The following PCDH9 variants were observed in gnomAD, a reference collection of about 807,000 sequenced individuals.
PCDH9 encodes the protein protocadherin-9.
A neutral mutation model predicts 70.6 loss-of-function variants in PCDH9; 24 were observed. The ratio of observed to expected loss-of-function variants is 0.34; its 90% confidence interval spans 0.25 to 0.48. PCDH9 has a LOEUF of 0.48. Ranked by LOEUF, PCDH9 falls within the 20% of genes least tolerant of loss-of-function variation. PCDH9 has a pLI of 0.99. For synonymous variants in PCDH9, 562 were observed against 558.5 expected (o/e 1.01, Z -0.09); for missense variants, 1,281 against 1,503.6 (o/e 0.85, Z 2.45).
intron 4 of PCDH9, among the ~76,000 whole-genome samples, chr13:66,526,942 A>G (rs1960241014): frequency 6.6e-6 from 1 of 152,206 alleles, no homozygotes; most frequent in Non-Finnish European, 1.5e-5. Context: ...CTATAGTGAT[A>G]GAAAAGGCCA....
chr13:66,910,525 T>TA (rs767898406), intron 2 of PCDH9, among the ~76,000 whole-genome samples: 2 of 178 alleles, frequency 0.011, no homozygotes, highest in East Asian at 0.071. Flanking sequence ...GCTTTATGCG[T>TA]AAAAAAATCT....
At chr13:66,461,666 T>C (rs909741206) in intron 4 of PCDH9, among the ~76,000 whole-genome samples, 1 of 151,918 alleles carries the variant, frequency 6.6e-6, no homozygotes, top group Admixed American at 6.6e-5. Context: ...AGAAGTTCAT[T>C]GTTTTATGTA....
At chr13:66,959,280 T>G (rs546189494) in intron 2 of PCDH9, among the ~76,000 whole-genome samples, 1 of 152,178 alleles carries the variant, frequency 6.6e-6, no homozygotes, top group African/African-American at 2.4e-5. Flanking sequence ...ATAAGGAAAG[T>G]GTGACTTTAA....
At chr13:66,771,706 A>C (rs1309899088) in intron 3 of PCDH9, among the ~76,000 whole-genome samples, 1 of 152,040 alleles carries the variant, frequency 6.6e-6, no homozygotes, top group Non-Finnish European at 1.5e-5. Context: ...CAAATTTTGG[A>C]CTCTTTAACT....
At chr13:67,212,551 G>GT (rs1269955922) in intron 2 of PCDH9, 3 of 152,132 alleles carry the variant, frequency 2.0e-5, no homozygotes, top group African/African-American at 7.2e-5. Flanking sequence ...GCCTAGCTGT[G>GT]TATCTGTCCG....
intron 3 of PCDH9, among the ~76,000 whole-genome samples, chr13:66,803,931 T>C (rs4412870): frequency 0.89 from 135,071 of 152,116 alleles, 62,204 homozygotes; most frequent in Non-Finnish European, 1. Context: ...GTGATTTTCT[T>C]GGTGTAATAA....
At chr13:66,755,512 C>T (rs755208565) in intron 3 of PCDH9, among the ~76,000 whole-genome samples, 6 of 152,124 alleles carry the variant, frequency 3.9e-5, no homozygotes, top group East Asian at 3.9e-4. Flanking sequence ...TCTACTGAGT[C>T]GAGGACTAAG....
chr13:66,932,681 TAC>T lies in PCDH9; in HGVS notation c.3037-29078_3037-29077del, dbSNP rs200773193. Among the ~76,000 whole-genome samples the T allele has an allele frequency of 1.6e-3, 187 of 114,836 alleles. 8 individuals are homozygous for T. The South Asian group carries it at 0.046, about 28-fold the overall frequency. The allele number at this position is 114,836 out of a possible 152,430, so 75.3% of individuals were successfully genotyped here. ...TCACATATATATATATATATATATATACACACACACACACGTATGTATATATC... is the reference window on the plus strand; with the variant it reads ...TCACATATATATATATATATATATATACACACACACACGTATGTATATATC... On this transcript the variant is annotated intron_variant, in intron 2 of 4. Transcript: ENST00000377865.
intron 4 of PCDH9, among the ~76,000 whole-genome samples, chr13:66,484,774 A>G (rs1197122678): frequency 2.0e-5 from 3 of 152,166 alleles, no homozygotes; most frequent in Admixed American, 6.5e-5. Flanking sequence ...TGTCCTGGGA[A>G]TATCGCTTAA....
At chr13:67,028,977 A>T (rs2084849509) in intron 2 of PCDH9, among the ~76,000 whole-genome samples, 1 of 152,200 alleles carries the variant, frequency 6.6e-6, no homozygotes, top group Admixed American at 6.6e-5. Context: ...GTCTAAAAAT[A>T]GCCTATGCAA....
chr13:66,927,096 A>G (rs1403149598), intron 2 of PCDH9, among the ~76,000 whole-genome samples: 1 of 152,088 alleles, frequency 6.6e-6, no homozygotes, highest in Non-Finnish European at 1.5e-5. Context: ...TAGAATGACT[A>G]GGTTTAATTT....
chr13:66,785,492 T>C (rs1358049966), intron 3 of PCDH9, among the ~76,000 whole-genome samples: 3 of 152,052 alleles, frequency 2.0e-5, no homozygotes, highest in African/African-American at 7.2e-5. Flanking sequence ...TTTCTCCTTA[T>C]TTTTAATGTA....
chr13:66,734,326 G>A (rs979514557), intron 3 of PCDH9, among the ~76,000 whole-genome samples: 1 of 152,088 alleles, frequency 6.6e-6, no homozygotes, highest in Non-Finnish European at 1.5e-5. Context: ...GACAATAATT[G>A]AAGTTTTAAG....
chr13:66,964,876 A>G (rs2083406569), intron 2 of PCDH9, among the ~76,000 whole-genome samples: 1 of 152,036 alleles, frequency 6.6e-6, no homozygotes, highest in Non-Finnish European at 1.5e-5. Flanking sequence ...AGCATTACTG[A>G]ATTACACACT....
intron 2 of PCDH9, among the ~76,000 whole-genome samples, chr13:67,126,234 G>A (rs2086977300): frequency 6.6e-6 from 1 of 152,066 alleles, no homozygotes; most frequent in African/African-American, 2.4e-5. Flanking sequence ...TCAACCCATA[G>A]CACCATTCTT....
intron 4 of PCDH9, among the ~76,000 whole-genome samples, chr13:66,401,238 G>C (rs570441192): frequency 1.3e-5 from 2 of 152,088 alleles, no homozygotes; most frequent in South Asian, 4.1e-4. Flanking sequence ...CCCATGTGTT[G>C]GGGTGTCGGG....
chr13:66,518,324 C>T (rs951859199), intron 4 of PCDH9, among the ~76,000 whole-genome samples: 8 of 152,058 alleles, frequency 5.3e-5, no homozygotes, highest in Admixed American at 4.6e-4. Flanking sequence ...CACCAAGCCC[C>T]GCCTACAACA....
chr13:66,685,900 G>A (rs2078394518), intron 3 of PCDH9, among the ~76,000 whole-genome samples: 1 of 152,170 alleles, frequency 6.6e-6, no homozygotes, highest in South Asian at 2.1e-4. Context: ...AAATGCCTGT[G>A]CCTTCATTGT....
At chr13:66,695,979 T>C (rs2078557786) in intron 3 of PCDH9, among the ~76,000 whole-genome samples, 1 of 152,182 alleles carries the variant, frequency 6.6e-6, no homozygotes, top group African/African-American at 2.4e-5. Flanking sequence ...TCATTTCATT[T>C]ACCATGACTC....
Sources: allele counts gnomAD v4.1 joint callset (sites outside exome capture counted in the v4.1 genomes callset), GRCh38; gene constraint gnomAD v4.1.1; transcripts MANE v1.5; gene names NCBI Gene and HGNC (gene_info 2026-07-23, HGNC 2026-07-21).